NR2F2: variants seen among roughly 807,000 people sequenced by gnomAD.
NR2F2 encodes COUP transcription factor 2.
NR2F2 carries 2 observed loss-of-function variants against 34.8 expected under a neutral mutation model. That is an observed-to-expected ratio of 0.06 (90% confidence interval 0.02 to 0.18). NR2F2 has a LOEUF of 0.18. NR2F2 is among the 10% of genes least tolerant of loss of function. The probability of loss-of-function intolerance (pLI) is 1.00; values close to 1 mark genes in which losing one functional copy is unlikely to be tolerated. For synonymous variants in NR2F2, 274 were observed against 251.8 expected (o/e 1.09, Z -0.84); for missense variants, 300 against 580.1 (o/e 0.52, Z 4.96).
rs1436860648 is a variant in NR2F2 at position 96,331,555 on chromosome 15, C to A, written c.-551C>A. 3 of 1,227,372 alleles carry A rather than the reference C, an allele frequency of 2.4e-6. No homozygotes were observed. The highest frequency in any genetic ancestry group is 3.0e-6 in the Non-Finnish European group (3 of 986,324). The allele number at this position is 1,227,372 out of a possible 1,614,324, so 76.0% of individuals were successfully genotyped here. ...CGCCTCTCCTCCTCCTCTACCTCCT[C>A]CTTCACCACCACCTCCTCTTCCTCC... On this transcript the variant is annotated 5_prime_UTR_variant, in exon 1 of 3. Coordinates refer to ENST00000394166, the MANE Select transcript of NR2F2 (RefSeq NM_021005.4).
chr15:96,331,546 C>CTACCTCCTCCTT lies in NR2F2; in HGVS notation c.-559_-548dup. On this transcript the variant is annotated 5_prime_UTR_variant, in exon 1 of 3. Transcript: ENST00000394166. ...CCGGACAGTCGCCTCTCCTCCTCCTCTACCTCCTCCTTCACCACCACCTCC... is the reference window on the plus strand; with the variant it reads ...CCGGACAGTCGCCTCTCCTCCTCCTCTACCTCCTCCTTTACCTCCTCCTTCACCACCACCTCC... 2 of 1,229,410 alleles carry CTACCTCCTCCTT rather than the reference C, an allele frequency of 1.6e-6. No individual in the cohort carries two copies. The highest frequency in any genetic ancestry group is 2.0e-6 in the Non-Finnish European group (2 of 987,354). 76.2% of individuals were successfully genotyped at this position (1,229,410 alleles called of 1,614,324 possible).
intron 2 of NR2F2, among the ~76,000 whole-genome samples, chr15:96,335,634 G>A (rs568583885): frequency 1.3e-5 from 2 of 152,332 alleles, no homozygotes; most frequent in South Asian, 2.1e-4. Context: ...ACATCTGGAC[G>A]TTAGCAGGGC....
chr15:96,330,421 G>GCGC (rs1899097097), upstream of NR2F2, among the ~76,000 whole-genome samples: 2 of 147,840 alleles, frequency 1.4e-5, no homozygotes, highest in Admixed American at 6.7e-5. Context: ...GGCGGCGGCG[G>GCGC]CGCGGCCACC....
intron 1 of NR2F2, 64 bp from the exon 2 acceptor site, chr15:96,334,012 C>T (rs1281474363): frequency 5.1e-6 from 8 of 1,561,318 alleles, no homozygotes; most frequent in South Asian, 2.4e-5. Flanking sequence ...GGGCAGACCC[C>T]GCCGGGGAAC....
At chr15:96,333,938 C>T in intron 1 of NR2F2, 138 bp from the exon 2 acceptor site, 1 of 1,493,600 alleles carries the variant, frequency 6.7e-7, no homozygotes, top group Non-Finnish European at 8.9e-7. Flanking sequence ...GCGACTCCAG[C>T]TCTGTGGCAG....
At chr15:96,327,613 T>C (rs1211369135), upstream of NR2F2, among the ~76,000 whole-genome samples, 1 of 152,224 alleles carries the variant, frequency 6.6e-6, no homozygotes, top group Non-Finnish European at 1.5e-5. Context: ...CTTTCCCTAT[T>C]CATGGAGCTC....
At chr15:96,326,736 G>T (rs1421559484), upstream of NR2F2, among the ~76,000 whole-genome samples, 1 of 152,160 alleles carries the variant, frequency 6.6e-6, no homozygotes, top group Non-Finnish European at 1.5e-5. This position sits in a 1 kb window ranked among gnomAD's most constrained non-coding sequence, Gnocchi z 5.5. Context: ...TTTGCAAGCA[G>T]CAGATGACTC....
At position 96,330,827 on chromosome 15, in the gene NR2F2, T is replaced by G; in HGVS notation, c.-1279T>G. On this transcript the variant is annotated 5_prime_UTR_variant, in exon 1 of 3. Transcript: ENST00000394166. ...CGCGGTGTGTGTGTGCGTGCGCGCG[T>G]GTGTGTTTTCTTCTTCTCCTCCTCC... The G allele has an allele frequency of 8.8e-7, 1 of 1,133,062 alleles. No homozygotes were observed. The highest frequency in any genetic ancestry group is 1.1e-6 in the Non-Finnish European group (1 of 921,836). The allele number at this position is 1,133,062 out of a possible 1,614,324, so 70.2% of individuals were successfully genotyped here.
At chr15:96,335,735 C>T (rs1238860478) in intron 2 of NR2F2, among the ~76,000 whole-genome samples, 1 of 152,214 alleles carries the variant, frequency 6.6e-6, no homozygotes, top group East Asian at 1.9e-4. Context: ...TAAAGGAGGT[C>T]CACAATCTCT....
rs758107169 is a variant in NR2F2 at position 96,337,568 on chromosome 15, G to A, written c.1191G>A (p.Arg397=). The A allele has an allele frequency of 1.2e-6, 2 of 1,614,004 alleles. No homozygotes were observed. The highest frequency in any genetic ancestry group is 1.7e-6 in the Non-Finnish European group (2 of 1,180,028). ...VGKTPIETLI[R]DMLLSGSSFN... ...AAACCCCCATCGAAACCCTCATCCG[G>A]GATATGTTACTGTCCGGCAGCAGTT... Residue 397 remains arginine, a synonymous_variant, in exon 3 of 3, where the codon CGG becomes CGA. Transcript: ENST00000394166.
chr15:96,333,871 T>C, intron 1 of NR2F2: 1 of 1,430,070 alleles, frequency 7.0e-7, no homozygotes, highest in Non-Finnish European at 9.1e-7. Flanking sequence ...AGTGTGCCCC[T>C]CTGGCCCTCA....
intron 1 of NR2F2, chr15:96,333,657 C>T: frequency 4.6e-6 from 5 of 1,085,688 alleles, no homozygotes; most frequent in South Asian, 3.6e-5. Flanking sequence ...ACCCTCGTGC[C>T]TTTTGCAAAA....
At position 96,331,321 on chromosome 15, in the gene NR2F2, G is replaced by T; in HGVS notation, c.-785G>T. The T allele has an allele frequency of 8.5e-7, 1 of 1,176,786 alleles. No individual in the cohort carries two copies. The highest frequency in any genetic ancestry group is 1.0e-6 in the Non-Finnish European group (1 of 952,908). 72.9% of individuals were successfully genotyped at this position (1,176,786 alleles called of 1,614,324 possible). A position where few individuals can be genotyped will look rare whatever the true frequency, so the allele number is the denominator to read the frequency against. ...CGGCCCAGCGCCAGGACGACGCCGCGCAGCGCCCGACGCGGACCACTTTCA... is the reference window on the plus strand; with the variant it reads ...CGGCCCAGCGCCAGGACGACGCCGCTCAGCGCCCGACGCGGACCACTTTCA... On this transcript the variant is annotated 5_prime_UTR_variant, in exon 1 of 3. Coordinates refer to ENST00000394166, the MANE Select transcript of NR2F2 (RefSeq NM_021005.4).
chr15:96,337,308 TTTCTTC>T (rs747281366), intron 2 of NR2F2, 34 bp from the exon 3 acceptor site: 39 of 1,469,132 alleles, frequency 2.7e-5, no homozygotes, highest in East Asian at 1.6e-4. Flanking sequence ...TCTTCTTCTT[TTTCTTC>T]TTCTTCTTCT....
In NR2F2 at chr15:96,331,748, C is replaced by A; in HGVS notation, c.-358C>A. 1 of 1,073,724 alleles carries A rather than the reference C, an allele frequency of 9.3e-7. No individual in the cohort carries two copies. The highest frequency in any genetic ancestry group is 1.2e-6 in the Non-Finnish European group (1 of 851,144). The allele number at this position is 1,073,724 out of a possible 1,614,324, so 66.5% of individuals were successfully genotyped here. ...AGCCAGACAATCGACTTCAGCTCTCCCTCCCCTCCCTCTTTCTCCACGTTC... is the reference window on the plus strand; with the variant it reads ...AGCCAGACAATCGACTTCAGCTCTCACTCCCCTCCCTCTTTCTCCACGTTC... On this transcript the variant is annotated 5_prime_UTR_variant, in exon 1 of 3. Transcript: ENST00000394166.
chr15:96,331,885 A>G lies in NR2F2; in HGVS notation c.-221A>G. ...ACAAAACAAACACACCGGGCCAGAC[A>G]AGCCATCGACAAAACTTTGCAAAAG... On this transcript the variant is annotated 5_prime_UTR_variant, in exon 1 of 3. Coordinates refer to ENST00000394166, the MANE Select transcript of NR2F2 (RefSeq NM_021005.4). 8.3e-7 allele frequency: 1 copy of G among 1,205,724 alleles called. No homozygotes were observed. The highest frequency in any genetic ancestry group is 1.0e-6 in the Non-Finnish European group (1 of 971,690). 74.7% of individuals were successfully genotyped at this position (1,205,724 alleles called of 1,614,324 possible).
At position 96,331,169 on chromosome 15, in the gene NR2F2, CCGGCGGCAG is replaced by C. The variant is rs990441173; in HGVS notation, c.-929_-921del. The C allele has an allele frequency of 3.3e-5, 32 of 979,098 alleles. No individual in the cohort carries two copies. In the East Asian group the frequency reaches 1.6e-3, roughly 48 times the overall value. The allele number at this position is 979,098 out of a possible 1,614,324, so 60.7% of individuals were successfully genotyped here. On this transcript the variant is annotated 5_prime_UTR_variant, in exon 1 of 3. Transcript: ENST00000394166. ...CGACCCGGCGGCTTCGGCGGCGGCT[CCGGCGGCAG>C]CGGCGGCCCGGGCGGCCCGCAGGGA...
At position 96,337,765 on chromosome 15, in the gene NR2F2, CTG is replaced by C. The variant is rs1041611332; in HGVS notation, c.*146_*147del. 1.8e-5 allele frequency: 8 copies of C among 442,406 alleles called. No individual in the cohort carries two copies. Among genetic ancestry groups the C allele is most frequent in the Admixed American group, 1.1e-4 (2 of 19,038 alleles). 27.4% of individuals were successfully genotyped at this position (442,406 alleles called of 1,614,324 possible). ...GAAGAGAGGGGAAGAATTTAATGGA[CTG>C]TGAATTTCAAAAAAAAAAAAAAAGA... On this transcript the variant is annotated 3_prime_UTR_variant, in exon 3 of 3. Transcript: ENST00000394166.
At position 96,338,985 on chromosome 15, in the gene NR2F2, G is replaced by C. The variant is rs370264368; in HGVS notation, c.*1363G>C. ...GTTTAATTTGGGTGTGTGTGTGTTGGGGGGGGAGCTGAAGTTAATGGTTTA... is the reference window on the plus strand; with the variant it reads ...GTTTAATTTGGGTGTGTGTGTGTTGCGGGGGGAGCTGAAGTTAATGGTTTA... On this transcript the variant is annotated 3_prime_UTR_variant, in exon 3 of 3. Transcript: ENST00000394166. 13 of 148,990 alleles carry C rather than the reference G, an allele frequency of 8.7e-5. No homozygotes were observed. In the South Asian group the frequency reaches 8.7e-4, roughly 10 times the overall value. 9.2% of individuals were successfully genotyped at this position (148,990 alleles called of 1,614,324 possible). A position where few individuals can be genotyped will look rare whatever the true frequency, so the allele number is the denominator to read the frequency against.
Sources: gnomAD v4.1 joint callset for allele counts (sites outside exome capture counted in the v4.1 genomes callset) on GRCh38, gnomAD v4.1.1 for gene constraint, Gnocchi (gnomAD v3.1) non-coding constraint, MANE v1.5 for transcripts, NCBI Gene and HGNC (gene_info 2026-07-23, HGNC 2026-07-21) for gene names.